ATG10: variants seen among roughly 807,000 people sequenced by gnomAD.
ATG10 encodes the protein autophagy related 10.
In ATG10, 30 loss-of-function variants were observed where a neutral mutation model predicts 32.1. That is an observed-to-expected ratio of 0.94 (90% CI 0.70 to 1.27). The LOEUF (loss-of-function observed/expected upper bound fraction) is 1.27. Ranked by LOEUF, ATG10 falls within the 50% of genes most tolerant of loss-of-function variation. The pLI, the probability that ATG10 is intolerant of heterozygous loss-of-function variation, is 0.00. For synonymous variants in ATG10, 87 were observed against 91.5 expected, an observed-to-expected ratio of 0.95 and a Z score of 0.28; for missense variants, 233 against 262.3, an observed-to-expected ratio of 0.89 and a Z score of 0.77.
intron 3 of ATG10, chr5:82,148,033 ACATCATGG>A: frequency 6.6e-6 from 1 of 152,218 alleles, no homozygotes; most frequent in Non-Finnish European, 1.5e-5. Context: ...TCAGTCTTCT[ACATCATGG>A]GTCAGCAGAT....
intron 3 of ATG10, among the ~76,000 whole-genome samples, chr5:82,124,415 C>T (rs1766176699): frequency 6.6e-6 from 1 of 151,556 alleles, no homozygotes; most frequent in Non-Finnish European, 1.5e-5. Flanking sequence ...CCATCATCTA[C>T]ATTAGGTATT....
At chr5:81,995,451 T>C (rs1016948214) in intron 2 of ATG10, among the ~76,000 whole-genome samples, 3 of 152,148 alleles carry the variant, frequency 2.0e-5, no homozygotes, top group Non-Finnish European at 2.9e-5. Flanking sequence ...CCTGAGTTTT[T>C]AATGTTCTTT....
At position 82,032,087 on chromosome 5, in the gene ATG10, T is replaced by A. The variant is rs146043351; in HGVS notation, c.109-26408T>A. 9.7e-3 allele frequency among the ~76,000 whole-genome samples: 1,471 copies of A among 152,328 alleles called. 18 individuals carry two copies. Among genetic ancestry groups the A allele is most frequent in the Middle Eastern group, 0.031 (9 of 294 alleles). ...AGACTTAATTCTATGTTGCTTCAGATGAGACAAGTAGGACCAATGAGAGAC... is the reference window on the plus strand; with the variant it reads ...AGACTTAATTCTATGTTGCTTCAGAAGAGACAAGTAGGACCAATGAGAGAC... On this transcript the variant is annotated intron_variant, in intron 2 of 7. Transcript: ENST00000282185.
chr5:82,036,509 G>T (rs904502671), intron 2 of ATG10, among the ~76,000 whole-genome samples: 4 of 152,008 alleles, frequency 2.6e-5, no homozygotes, highest in South Asian at 2.1e-4. Context: ...CAGGAGAATT[G>T]CTTGAACCCA....
chr5:82,126,913 G>A (rs1766302556), intron 3 of ATG10, among the ~76,000 whole-genome samples: 1 of 152,150 alleles, frequency 6.6e-6, no homozygotes. Flanking sequence ...TCTGATCCTG[G>A]GCTTTTTTTG....
intron 3 of ATG10, among the ~76,000 whole-genome samples, chr5:82,127,725 T>C (rs2149837010): frequency 6.6e-6 from 1 of 152,232 alleles, no homozygotes. Context: ...TTAGAATAAG[T>C]GCTATGTGGT....
intron 3 of ATG10, among the ~76,000 whole-genome samples, chr5:82,061,303 C>T (rs899117712): frequency 2.0e-5 from 3 of 151,870 alleles, no homozygotes; most frequent in Non-Finnish European, 4.4e-5. Flanking sequence ...CACATAAGGC[C>T]TAGAAATAAT....
At chr5:82,213,570 A>G (rs911946540) in intron 5 of ATG10, among the ~76,000 whole-genome samples, 1 of 152,222 alleles carries the variant, frequency 6.6e-6, no homozygotes, top group African/African-American at 2.4e-5. Context: ...ACTGGAAACC[A>G]CCTTATAATG....
chr5:82,230,917 T>C (rs1268513397), intron 5 of ATG10, among the ~76,000 whole-genome samples: 1 of 152,066 alleles, frequency 6.6e-6, no homozygotes, highest in African/African-American at 2.4e-5. Flanking sequence ...GTAAGAGGAA[T>C]AATGGAGTCA....
intron 6 of ATG10, 110 bp downstream of exon 6, chr5:82,252,769 G>C: frequency 1.5e-6 from 1 of 655,870 alleles, no homozygotes; most frequent in Non-Finnish European, 2.6e-6. Context: ...TAATAATAAT[G>C]GCTAACACAA....
At position 82,058,497 on chromosome 5, in the gene ATG10, C is replaced by T. The variant is rs778772048; in HGVS notation, c.111C>T (p.Asp37=). The T allele has an allele frequency of 3.7e-6, 6 of 1,609,950 alleles. No homozygotes were observed. Among genetic ancestry groups the T allele is most frequent in the Non-Finnish European group, 5.1e-6 (6 of 1,176,792 alleles). The change falls in exon 3 of 8, where the codon GAC becomes GAT. Residue 37 remains aspartate (D), a splice_region_variant and synonymous_variant. Coordinates refer to ENST00000282185, the MANE Select transcript of ATG10 (RefSeq NM_031482.5). ...GDSWEWRPSK[D]CSDGYMCKIH... ...TATTTTTTGGTGATGAAACACAGGACTGTTCTGATGGCTACATGTGCAAAA... is the reference window on the plus strand; with the variant it reads ...TATTTTTTGGTGATGAAACACAGGATTGTTCTGATGGCTACATGTGCAAAA...
At chr5:82,052,116 G>A (rs917235094) in intron 2 of ATG10, among the ~76,000 whole-genome samples, 7 of 152,142 alleles carry the variant, frequency 4.6e-5, no homozygotes, top group African/African-American at 1.7e-4. Context: ...CCTTCCTGCA[G>A]TTGATCATTC....
intron 3 of ATG10, among the ~76,000 whole-genome samples, chr5:82,131,665 C>G (rs111464864): frequency 0.17 from 24,940 of 148,860 alleles, 2,557 homozygotes; most frequent in South Asian, 0.36. Flanking sequence ...TGATCACTTT[C>G]TAGCCCTGTG....
At chr5:82,015,004 C>T (rs1438799532) in intron 2 of ATG10, among the ~76,000 whole-genome samples, 1 of 152,156 alleles carries the variant, frequency 6.6e-6, no homozygotes, top group East Asian at 1.9e-4. Flanking sequence ...CCTTCAGGAG[C>T]TCTTTTAGGG....
At chr5:81,980,166 T>C (rs1487337276) in intron 1 of ATG10, among the ~76,000 whole-genome samples, 1 of 152,184 alleles carries the variant, frequency 6.6e-6, no homozygotes, top group African/African-American at 2.4e-5. Flanking sequence ...TCATCTCAGC[T>C]GTTTTTCCTT....
chr5:82,001,156 T>C (rs1023369824), intron 2 of ATG10, among the ~76,000 whole-genome samples: 3 of 152,190 alleles, frequency 2.0e-5, no homozygotes, highest in African/African-American at 7.2e-5. Context: ...TGGAAAAATA[T>C]TCCATGCTCA....
intron 5 of ATG10, among the ~76,000 whole-genome samples, chr5:82,245,988 C>G (rs552660470): frequency 6.6e-6 from 1 of 151,294 alleles, no homozygotes; most frequent in Non-Finnish European, 1.5e-5. Context: ...TGCTTCACAA[C>G]AAGAAAAAGC....
rs182030019 is a variant in ATG10, at chr5:82,177,781, A to G, written c.356-709A>G. Among the ~76,000 whole-genome samples the G allele has an allele frequency of 2.2e-4, 34 of 152,284 alleles. No individual in the cohort carries two copies. The East Asian group carries it at 6.4e-3, about 28-fold the overall frequency. The stretch of plus-strand genomic sequence containing the variant: ...TAAAGAAAAAGAGCATTATTGTTCA[A>G]TAAAGCTTTTACTGCCCTCTTCATG... On this transcript the variant is annotated intron_variant, in intron 4 of 7. Transcript: ENST00000282185.
chr5:82,081,787 G>A (rs1443813308), intron 3 of ATG10, among the ~76,000 whole-genome samples: 2 of 152,122 alleles, frequency 1.3e-5, no homozygotes, highest in African/African-American at 2.4e-5. Flanking sequence ...TTTTTGCATC[G>A]ATGTTCATCA....
Sources: gnomAD v4.1 joint callset for allele counts (sites outside exome capture counted in the v4.1 genomes callset) on GRCh38, gnomAD v4.1.1 for gene constraint, MANE v1.5 for transcripts, NCBI Gene and HGNC (gene_info 2026-07-23, HGNC 2026-07-21) for gene names.